The following ATXN1 variants were observed in gnomAD, a reference collection of about 807,000 sequenced individuals.
ATXN1 encodes ataxin 1.
A neutral mutation model predicts 56.4 loss-of-function variants in ATXN1; 8 were observed. The ratio of observed to expected loss-of-function variants is 0.14; its 90% CI spans 0.08 to 0.26. The LOEUF (loss-of-function observed/expected upper bound fraction) is 0.26. Among genes scored for constraint, ATXN1 ranks in the 10% least tolerant of loss-of-function variants. The pLI, the probability that ATXN1 is intolerant of heterozygous loss-of-function variation, is 1.00. For synonymous variants in ATXN1, 514 were observed against 494.6 expected, an observed-to-expected ratio of 1.04 and a Z score of -0.52; for missense variants, 987 against 1,106.5, an observed-to-expected ratio of 0.89 and a Z score of 1.53.
At chr6:16,404,071 G>A (rs1432556833) in intron 6 of ATXN1, among the ~76,000 whole-genome samples, 3 of 152,038 alleles carry the variant, frequency 2.0e-5, no homozygotes. Context: ...AGTCATCTCT[G>A]TGCCCATTCT....
chr6:16,728,266 C>T (rs544854140), intron 2 of ATXN1, among the ~76,000 whole-genome samples: 27 of 152,298 alleles, frequency 1.8e-4, no homozygotes, highest in Non-Finnish European at 3.2e-4. Flanking sequence ...ATAAGCTGTG[C>T]GCACAGGGCA....
chr6:16,321,554 A>T (rs1272470375), intron 7 of ATXN1, among the ~76,000 whole-genome samples: 2 of 152,216 alleles, frequency 1.3e-5, no homozygotes, highest in Non-Finnish European at 1.5e-5. Context: ...GCTCGAGTGG[A>T]GAAAAGCTGT....
intron 4 of ATXN1, among the ~76,000 whole-genome samples, chr6:16,567,449 T>C (rs1762250076): frequency 6.6e-6 from 1 of 152,334 alleles, no homozygotes; most frequent in South Asian, 2.1e-4. Context: ...CTTGCGCTTA[T>C]TCTGAAATAA....
At chr6:16,685,794 AC>A (rs1473015056) in intron 2 of ATXN1, among the ~76,000 whole-genome samples, 2 of 152,214 alleles carry the variant, frequency 1.3e-5, no homozygotes, top group African/African-American at 2.4e-5. Flanking sequence ...CAAGTCCTAA[AC>A]AAAAATATAA....
intron 5 of ATXN1, among the ~76,000 whole-genome samples, chr6:16,507,900 G>A (rs999604892): frequency 6.6e-6 from 1 of 152,182 alleles, no homozygotes; most frequent in Non-Finnish European, 1.5e-5. Context: ...ACTTTTAAAA[G>A]CAACACAGTA....
intron 5 of ATXN1, among the ~76,000 whole-genome samples, chr6:16,500,845 C>T (rs1760872705): frequency 2.0e-5 from 3 of 150,534 alleles, no homozygotes; most frequent in Admixed American, 2.0e-4. Context: ...TAGTGAGTGA[C>T]AAGACTGAAG....
intron 6 of ATXN1, among the ~76,000 whole-genome samples, chr6:16,352,999 C>G (rs768960590): frequency 8.5e-5 from 13 of 152,072 alleles, no homozygotes; most frequent in Non-Finnish European, 1.5e-4. Context: ...GACTCACCGG[C>G]GGGGAGCGCT....
chr6:16,478,701 G>A (rs1361750981), intron 6 of ATXN1, among the ~76,000 whole-genome samples: 1 of 152,134 alleles, frequency 6.6e-6, no homozygotes, highest in Non-Finnish European at 1.5e-5. Context: ...CAAAGTCTTG[G>A]ATTTTAGCCC....
chr6:16,529,250 G>A (rs1184807082), intron 4 of ATXN1, among the ~76,000 whole-genome samples: 1 of 145,158 alleles, frequency 6.9e-6, no homozygotes. Flanking sequence ...GAGGATATGA[G>A]AACAAAAGTT....
chr6:16,432,296 A>C (rs957232409), intron 6 of ATXN1, among the ~76,000 whole-genome samples: 3 of 152,234 alleles, frequency 2.0e-5, no homozygotes, highest in African/African-American at 7.2e-5. Context: ...AAGAGGTAAA[A>C]AGGCAAGGCT....
At chr6:16,331,549 G>A (rs1237666685) in intron 6 of ATXN1, among the ~76,000 whole-genome samples, 2 of 152,132 alleles carry the variant, frequency 1.3e-5, no homozygotes, top group African/African-American at 4.8e-5. Flanking sequence ...ACCCCACAGG[G>A]TTTCATGAGG....
chr6:16,363,267 C>T (rs893500739), intron 6 of ATXN1, among the ~76,000 whole-genome samples: 6 of 152,182 alleles, frequency 3.9e-5, no homozygotes, highest in South Asian at 4.1e-4. Flanking sequence ...ATCCTAAGGC[C>T]GTGGCACTGT....
chr6:16,549,685 G>A (rs1368109519), intron 4 of ATXN1, among the ~76,000 whole-genome samples: 1 of 152,078 alleles, frequency 6.6e-6, no homozygotes, highest in Non-Finnish European at 1.5e-5. Context: ...ATCACCTGAG[G>A]CTGGGAGTTC....
intron 6 of ATXN1, among the ~76,000 whole-genome samples, chr6:16,418,345 G>C (rs1464942584): frequency 1.3e-5 from 2 of 152,100 alleles, no homozygotes; most frequent in East Asian, 3.9e-4. Context: ...AATGGAATCG[G>C]TTTTTGGCCA....
intron 4 of ATXN1, among the ~76,000 whole-genome samples, chr6:16,558,437 C>T (rs1271532102): frequency 4.6e-5 from 7 of 151,968 alleles, no homozygotes; most frequent in African/African-American, 1.7e-4. Context: ...TGTAGTAGCA[C>T]GACCATAACT....
intron 2 of ATXN1, among the ~76,000 whole-genome samples, chr6:16,689,394 G>A (rs1452901807): frequency 2.0e-5 from 3 of 151,928 alleles, no homozygotes; most frequent in African/African-American, 7.3e-5. Context: ...GCTCACTACA[G>A]CCACAAACTC....
At chr6:16,511,046 G>C (rs1015999030) in intron 5 of ATXN1, among the ~76,000 whole-genome samples, 8 of 152,142 alleles carry the variant, frequency 5.3e-5, no homozygotes, top group Non-Finnish European at 1.2e-4. Flanking sequence ...ACAGATGGAA[G>C]ATTTATCCTC....
At chr6:16,643,755 C>T (rs182683525) in intron 3 of ATXN1, among the ~76,000 whole-genome samples, 2 of 151,694 alleles carry the variant, frequency 1.3e-5, no homozygotes, top group African/African-American at 4.8e-5. Context: ...TCCAAAGAGG[C>T]ACATGAAACT....
chr6:16,656,978 A>AAT (rs1293692324), intron 3 of ATXN1, among the ~76,000 whole-genome samples: 10 of 145,452 alleles, frequency 6.9e-5, no homozygotes, highest in African/African-American at 2.6e-4. Flanking sequence ...ACAGTATTAT[A>AAT]ATCTTTTTTT....
Sources: allele counts gnomAD v4.1 joint callset (sites outside exome capture counted in the v4.1 genomes callset), GRCh38; gene constraint gnomAD v4.1.1; transcripts MANE v1.5; gene names NCBI Gene and HGNC (gene_info 2026-07-23, HGNC 2026-07-21).